CIMAP1A: variants seen among roughly 807,000 people sequenced by gnomAD.
The protein encoded by CIMAP1A is cancer/testis antigen 135.
At chr11:197,519 C>T in the CIMAP1A span, 2 of 1,601,198 alleles carry the variant, frequency 1.2e-6, no homozygotes, top group Non-Finnish European at 1.7e-6. Context: ...GGGAGAAGGG[C>T]AGGTCAGGCT....
chr11:200,239 A>G, the CIMAP1A span: 1 of 574,070 alleles, frequency 1.7e-6, no homozygotes, highest in Non-Finnish European at 3.1e-6. Context: ...CCAAATTATT[A>G]ATAAATCAGA....
chr11:198,150 C>G, the CIMAP1A span: 1 of 1,590,494 alleles, frequency 6.3e-7, no homozygotes, highest in Admixed American at 1.8e-5. Flanking sequence ...CCAAACTGGG[C>G]TGCATACCCA....
chr11:199,970 A>C, the CIMAP1A span: 1 of 1,614,074 alleles, frequency 6.2e-7, no homozygotes, highest in South Asian at 1.1e-5. Context: ...CCTGCGCCCC[A>C]GTTGTCACCT....
the CIMAP1A span, chr11:199,844 C>A: frequency 6.6e-7 from 1 of 1,512,042 alleles, no homozygotes. Context: ...GCCACCTTGG[C>A]CCCAGGTTCA....
the CIMAP1A span, chr11:197,532 G>C: frequency 1.9e-5 from 30 of 1,609,120 alleles, no homozygotes; most frequent in African/African-American, 3.5e-4. Context: ...GTCAGGCTCC[G>C]GGCTGCTCAG....
chr11:198,170 C>T, the CIMAP1A span: 1 of 1,606,936 alleles, frequency 6.2e-7, no homozygotes. Context: ...ACCTGCTTGT[C>T]CCAGCAGCCC....
chr11:199,229 A>C, the CIMAP1A span: 1 of 1,471,722 alleles, frequency 6.8e-7, no homozygotes, highest in East Asian at 2.5e-5. Context: ...ACAGTGTGAC[A>C]GAAGACAGAA....
the CIMAP1A span, chr11:199,132 A>G: frequency 2.9e-6 from 4 of 1,391,510 alleles, no homozygotes; most frequent in Non-Finnish European, 3.7e-6. Context: ...ACTGGCACAC[A>G]CTGGGGATGC....
chr11:197,829 CT>C, the CIMAP1A span: 1 of 1,561,534 alleles, frequency 6.4e-7, no homozygotes, highest in South Asian at 1.2e-5. Context: ...CTGGGTGCCC[CT>C]AACCTCATGT....
chr11:198,646 A>G, the CIMAP1A span: 1 of 1,547,978 alleles, frequency 6.5e-7, no homozygotes. Flanking sequence ...CCTCCCCCGG[A>G]ACCCAGGACC....
the CIMAP1A span, chr11:197,087 G>A: frequency 2.2e-6 from 1 of 453,854 alleles, no homozygotes; most frequent in African/African-American, 2.0e-5. Context: ...CTGGGTTACA[G>A]TTAAGCTGGT....
chr11:197,541 A>C, the CIMAP1A span: 1 of 1,611,898 alleles, frequency 6.2e-7, no homozygotes, highest in East Asian at 2.2e-5. Context: ...CGGGCTGCTC[A>C]GGGCCCATTG....
the CIMAP1A span, chr11:197,472 C>T: frequency 3.9e-5 from 62 of 1,590,546 alleles, no homozygotes; most frequent in African/African-American, 5.4e-4. Flanking sequence ...GTGGGGGTCC[C>T]GGGAAGGGCC....
chr11:197,705 C>A, the CIMAP1A span: 5 of 1,613,722 alleles, frequency 3.1e-6, no homozygotes, highest in Non-Finnish European at 4.2e-6. Context: ...GACCTTGGCC[C>A]TGCCTACTCC....
At chr11:198,426 GC>G in the CIMAP1A span, 2 of 1,613,104 alleles carry the variant, frequency 1.2e-6, no homozygotes, top group Admixed American at 1.7e-5. Context: ...GGAGCAGTGG[GC>G]CCTGTTCCGG....
the CIMAP1A span, chr11:199,891 C>T: frequency 1.2e-6 from 2 of 1,602,670 alleles, no homozygotes; most frequent in Middle Eastern, 1.7e-4. Context: ...AGGGCAGAGA[C>T]CTGCAGGTGG....
At chr11:198,455 A>G in the CIMAP1A span, 5 of 1,613,148 alleles carry the variant, frequency 3.1e-6, no homozygotes, top group Non-Finnish European at 4.2e-6. Flanking sequence ...CTCCACGTCC[A>G]CCCTGCAGGC....
the CIMAP1A span, chr11:199,285 C>A: frequency 1.3e-6 from 2 of 1,524,684 alleles, no homozygotes; most frequent in Non-Finnish European, 1.8e-6. Flanking sequence ...ACCCTGTTGA[C>A]TCAGAGCCTG....
chr11:198,383 TG>T, the CIMAP1A span: 3 of 1,613,166 alleles, frequency 1.9e-6, no homozygotes, highest in African/African-American at 4.0e-5. Flanking sequence ...GCCCGACGGC[TG>T]ATCTCCAGAG....
Sources: allele counts gnomAD v4.1 joint callset, GRCh38; gene constraint gnomAD v4.1.1; transcripts MANE v1.5; gene names NCBI Gene and HGNC (gene_info 2026-07-23, HGNC 2026-07-21).